SPATA17: variants seen among roughly 807,000 people sequenced by gnomAD.
The protein encoded by SPATA17 is spermatogenesis associated 17, also known as spermatogenesis-associated protein 17.
SPATA17 carries 53 observed loss-of-function variants against 62.2 expected under a neutral mutation model. The ratio of observed to expected loss-of-function variants is 0.85; its 90% CI spans 0.68 to 1.07. SPATA17 has a LOEUF of 1.07. Among genes scored for constraint, SPATA17 ranks in the 50% least tolerant of loss-of-function variants. The pLI, the probability that SPATA17 is intolerant of heterozygous loss-of-function variation, is 0.00. For missense variants in SPATA17, 466 were observed against 425.5 expected (o/e 1.10, Z -0.84); for synonymous variants, 146 against 146.8 (o/e 0.99, Z 0.04).
intron 9 of SPATA17, among the ~76,000 whole-genome samples, chr1:217,858,200 G>T (rs532857250): frequency 1.8e-4 from 27 of 152,154 alleles, no homozygotes; most frequent in Non-Finnish European, 3.1e-4. Context: ...TGTATTGAAT[G>T]TGCTTATTGA....
chr1:217,702,310 T>G (rs758888148), intron 5 of SPATA17, among the ~76,000 whole-genome samples: 6 of 152,182 alleles, frequency 3.9e-5, no homozygotes, highest in Non-Finnish European at 5.9e-5. Context: ...CTAAGCTTTA[T>G]TCTAATTTTT....
chr1:217,871,306 A>G lies in SPATA17; in HGVS notation c.*4287A>G, dbSNP rs1406402866. On this transcript the variant is annotated 3_prime_UTR_variant, in exon 11 of 11. Coordinates refer to ENST00000366933, the MANE Select transcript of SPATA17 (RefSeq NM_138796.4). Reference sequence around the variant, plus strand: ...ATCCCCTTTTTTGCTCTGTTTTTTCACATTTATGGCCTACCTGTTACAGCT... The same window carrying G: ...ATCCCCTTTTTTGCTCTGTTTTTTCGCATTTATGGCCTACCTGTTACAGCT... 6.6e-6 allele frequency: 1 copy of G among 151,778 alleles called. No individual in the cohort carries two copies. The highest frequency in any genetic ancestry group is 1.5e-5 in the Non-Finnish European group (1 of 67,928). 9.4% of individuals were successfully genotyped at this position (151,778 alleles called of 1,614,324 possible). A position where few individuals can be genotyped will look rare whatever the true frequency, so the allele number is the denominator to read the frequency against.
intron 9 of SPATA17, among the ~76,000 whole-genome samples, chr1:217,855,974 CT>C (rs1334145731): frequency 1.3e-5 from 2 of 151,994 alleles, no homozygotes; most frequent in East Asian, 3.9e-4. Context: ...TTCTGCCCCC[CT>C]GAACCCCCCA....
chr1:217,748,737 C>A (rs1672826508), intron 6 of SPATA17, among the ~76,000 whole-genome samples: 2 of 108,852 alleles, frequency 1.8e-5, no homozygotes, highest in South Asian at 2.7e-4. Flanking sequence ...GAGCAAGACT[C>A]TGACTCAAAA....
intron 6 of SPATA17, among the ~76,000 whole-genome samples, chr1:217,769,645 T>C (rs1673389875): frequency 6.6e-6 from 1 of 152,212 alleles, no homozygotes; most frequent in African/African-American, 2.4e-5. Context: ...AAAAATTCCT[T>C]CTTAACTAAA....
chr1:217,725,751 C>T (rs573833296), intron 5 of SPATA17, among the ~76,000 whole-genome samples: 1 of 152,300 alleles, frequency 6.6e-6, no homozygotes, highest in Admixed American at 6.5e-5. Flanking sequence ...GTGTGAGCCA[C>T]TACGCCCAGC....
At chr1:217,804,152 T>G (rs1674378105) in intron 9 of SPATA17, among the ~76,000 whole-genome samples, 1 of 152,174 alleles carries the variant, frequency 6.6e-6, no homozygotes, top group Non-Finnish European at 1.5e-5. Context: ...GATTTCAAAT[T>G]ATATTACAAA....
At chr1:217,722,761 A>G (rs1400437511) in intron 5 of SPATA17, among the ~76,000 whole-genome samples, 1 of 152,220 alleles carries the variant, frequency 6.6e-6, no homozygotes, top group African/African-American at 2.4e-5. Flanking sequence ...GGTAATTCCA[A>G]ACTGTCTACT....
intron 5 of SPATA17, among the ~76,000 whole-genome samples, chr1:217,731,930 G>A (rs918503330): frequency 6.6e-6 from 1 of 151,994 alleles, no homozygotes; most frequent in African/African-American, 2.4e-5. Context: ...TACAAAAAAA[G>A]CAAATTGATA....
chr1:217,859,556 C>T (rs1675856816), intron 9 of SPATA17, among the ~76,000 whole-genome samples: 1 of 151,972 alleles, frequency 6.6e-6, no homozygotes, highest in South Asian at 2.1e-4. Context: ...TACAGGTGTA[C>T]ACCACAATAC....
At chr1:217,699,406 G>A (rs1671540608) in intron 5 of SPATA17, among the ~76,000 whole-genome samples, 1 of 152,036 alleles carries the variant, frequency 6.6e-6, no homozygotes, top group Admixed American at 6.6e-5. Context: ...ACTCTGATAG[G>A]TATGTACTGA....
At chr1:217,715,004 A>T (rs576021950) in intron 5 of SPATA17, among the ~76,000 whole-genome samples, 2 of 152,194 alleles carry the variant, frequency 1.3e-5, no homozygotes, top group African/African-American at 2.4e-5. Context: ...ATTTATGATG[A>T]AACTAAAGTA....
chr1:217,665,134 C>A (rs899373915), intron 3 of SPATA17: 14 of 152,136 alleles, frequency 9.2e-5, no homozygotes, highest in Admixed American at 3.3e-4. Flanking sequence ...ATTTGTCCCC[C>A]ACCCACGTTG....
At chr1:217,658,921 T>A (rs1051645386) in intron 3 of SPATA17, among the ~76,000 whole-genome samples, 3 of 152,100 alleles carry the variant, frequency 2.0e-5, no homozygotes, top group African/African-American at 7.2e-5. Flanking sequence ...TTTTCTATTG[T>A]CGCCTGAGCC....
chr1:217,689,922 A>G (rs963025467), intron 5 of SPATA17, among the ~76,000 whole-genome samples: 3 of 142,718 alleles, frequency 2.1e-5, no homozygotes, highest in African/African-American at 7.8e-5. Flanking sequence ...TTTTTTTTTG[A>G]GACAGAGTTT....
chr1:217,698,579 TAA>T (rs5780991), intron 5 of SPATA17, among the ~76,000 whole-genome samples: 35,586 of 144,900 alleles, frequency 0.25, 4,496 homozygotes, highest in African/African-American at 0.33. Context: ...CATGCAGTTA[TAA>T]AAAAAAAAAA....
chr1:217,703,917 C>A (rs1172356323), intron 5 of SPATA17, among the ~76,000 whole-genome samples: 1 of 151,940 alleles, frequency 6.6e-6, no homozygotes, highest in African/African-American at 2.4e-5. Flanking sequence ...TGCTGTTAAA[C>A]TCATTTACTG....
At chr1:217,832,747 A>G (rs1360009022) in intron 9 of SPATA17, among the ~76,000 whole-genome samples, 2 of 152,098 alleles carry the variant, frequency 1.3e-5, no homozygotes, top group African/African-American at 4.8e-5. Context: ...GTTTGAGACC[A>G]GCCTGGGCAA....
At chr1:217,696,904 C>G (rs1269174802) in intron 5 of SPATA17, among the ~76,000 whole-genome samples, 5 of 152,210 alleles carry the variant, frequency 3.3e-5, no homozygotes, top group African/African-American at 1.2e-4. Context: ...TTTCCCACTC[C>G]TATGCCATCA....
Sources: gnomAD v4.1 joint callset for allele counts (sites outside exome capture counted in the v4.1 genomes callset) on GRCh38, gnomAD v4.1.1 for gene constraint, MANE v1.5 for transcripts, NCBI Gene and HGNC (gene_info 2026-07-23, HGNC 2026-07-21) for gene names.